SHANK1: variants seen among roughly 807,000 people sequenced by gnomAD.
SHANK1 encodes SH3 and multiple ankyrin repeat domains protein 1.
SHANK1 carries 35 observed loss-of-function variants against 165.6 expected under a neutral mutation model. The observed-to-expected ratio is 0.21, with a 90% CI of 0.16 to 0.28. The LOEUF (loss-of-function observed/expected upper bound fraction) is 0.28. Among genes scored for constraint, SHANK1 ranks in the 10% least tolerant of loss-of-function variants. The pLI is 1.00. For synonymous variants in SHANK1, 1,428 were observed against 1,384.8 expected, an observed-to-expected ratio of 1.03 and a Z score of -0.69; for missense variants, 2,681 against 3,036.4, an observed-to-expected ratio of 0.88 and a Z score of 2.75.
chr19:50,701,039 C>G (rs1277526011), intron 12 of SHANK1, among the ~76,000 whole-genome samples: 1 of 152,116 alleles, frequency 6.6e-6, no homozygotes, highest in Non-Finnish European at 1.5e-5. Context: ...GAAACACATG[C>G]AGTTACACAG....
chr19:50,714,365 C>T (rs933402833), intron 4 of SHANK1, 75 bp from the exon 5 acceptor site: 18 of 1,283,140 alleles, frequency 1.4e-5, no homozygotes, highest in African/African-American at 2.9e-5. Flanking sequence ...CAAGCAGCGA[C>T]GTCCAGTGAA....
At chr19:50,707,553 C>G (rs182925027) in intron 8 of SHANK1, among the ~76,000 whole-genome samples, 59 of 126,284 alleles carry the variant, frequency 4.7e-4, no homozygotes, top group Non-Finnish European at 6.4e-4. Flanking sequence ...AACAACCTGG[C>G]CTTCTTCTTC....
At chr19:50,689,356 C>CA in intron 15 of SHANK1, 77 bp from the exon 16 acceptor site, 1 of 1,086,008 alleles carries the variant, frequency 9.2e-7, no homozygotes, top group South Asian at 1.2e-5. Context: ...GGCTGTCCCC[C>CA]ACCCGGCAAC....
At chr19:50,703,979 C>T (rs532789972) in intron 10 of SHANK1, 141 bp downstream of exon 10, 1 of 885,538 alleles carries the variant, frequency 1.1e-6, no homozygotes, top group South Asian at 1.6e-5. Flanking sequence ...GCTCCCCCAC[C>T]ACCATCCAGA....
Position 50,690,747 on chromosome 19 carries a change from C to T in SHANK1, c.1965-1468G>A, listed in dbSNP as rs1986512748. The stretch of plus-strand genomic sequence containing the variant: ...CAACCCCCACACATCCCAGTATGTT[C>T]CAATAATAACTCCCCCTCACTCGGA... On this transcript the variant is annotated intron_variant, in intron 15 of 23. Transcript: ENST00000293441. This position sits in a 1 kb window ranked among gnomAD's most constrained non-coding sequence, Gnocchi z 4.9. Among the ~76,000 whole-genome samples the T allele has an allele frequency of 6.6e-6, 1 of 152,096 alleles. No homozygotes were observed. Among genetic ancestry groups the T allele is most frequent in the Non-Finnish European group, 1.5e-5 (1 of 68,024 alleles).
intron 21 of SHANK1, among the ~76,000 whole-genome samples, chr19:50,679,228 G>C (rs965512796): frequency 4.6e-5 from 7 of 150,748 alleles, no homozygotes; most frequent in African/African-American, 1.7e-4. Context: ...AAGGGGTCAG[G>C]GTGACGGGAG....
At chr19:50,679,873 A>C (rs1421364095) in intron 21 of SHANK1, among the ~76,000 whole-genome samples, 1 of 151,372 alleles carries the variant, frequency 6.6e-6, no homozygotes. Flanking sequence ...CAGACAGACA[A>C]AGGCAAAGAT....
At chr19:50,685,904 G>A (rs1177292774) in intron 21 of SHANK1, among the ~76,000 whole-genome samples, 1 of 152,054 alleles carries the variant, frequency 6.6e-6, no homozygotes, top group East Asian at 1.9e-4. Context: ...TTATGCCGGG[G>A]AATCTCCATC....
In SHANK1 at chr19:50,702,796, A is replaced by G. The variant is rs3745532; in HGVS notation, c.1554-136T>C. 0.78 allele frequency: 488,382 copies of G among 624,430 alleles called. 191,610 individuals are homozygous for G. The highest frequency in any genetic ancestry group is 0.83 in the Admixed American group (27,739 of 33,348). 38.7% of individuals were successfully genotyped at this position (624,430 alleles called of 1,614,324 possible). Reference sequence around the variant, plus strand: ...GGTTTCCCAGCACTGGCGTCCTCCAAGGAAGAGGGCATTTGGGGGCTCCCT... The same window carrying G: ...GGTTTCCCAGCACTGGCGTCCTCCAGGGAAGAGGGCATTTGGGGGCTCCCT... On this transcript the variant is annotated intron_variant, in intron 11 of 23. Coordinates refer to ENST00000293441, the MANE Select transcript of SHANK1 (RefSeq NM_016148.5). This position sits in a 1 kb window ranked among gnomAD's most constrained non-coding sequence, Gnocchi z 5.3.
intron 12 of SHANK1, among the ~76,000 whole-genome samples, chr19:50,698,811 C>T (rs1333942124): frequency 3.9e-5 from 6 of 152,194 alleles, no homozygotes; most frequent in South Asian, 4.1e-4. Context: ...CACTCATGTG[C>T]GCTACCTCTC....
intron 8 of SHANK1, among the ~76,000 whole-genome samples, chr19:50,707,913 TTTC>T (rs746662622): frequency 3.2e-5 from 2 of 62,954 alleles, no homozygotes; most frequent in South Asian, 9.6e-4. Context: ...TTTCTTTTCT[TTTC>T]TTTTCTTTTC....
In SHANK1 at chr19:50,702,764, G is replaced by A; in HGVS notation, c.1554-104C>T. On this transcript the variant is annotated intron_variant, in intron 11 of 23. Coordinates refer to ENST00000293441, the MANE Select transcript of SHANK1 (RefSeq NM_016148.5). This position sits in a 1 kb window ranked among gnomAD's most constrained non-coding sequence, Gnocchi z 5.3. ...GGGAAGAGGACGGTGCATCAGGGGG[G>A]AGGGGGGGTTTCCCAGCACTGGCGT... The A allele has an allele frequency of 1.4e-6, 1 of 719,478 alleles. No individual in the cohort carries two copies. Among genetic ancestry groups the A allele is most frequent in the Non-Finnish European group, 2.2e-6 (1 of 448,230 alleles). 44.6% of individuals were successfully genotyped at this position (719,478 alleles called of 1,614,324 possible). A position where few individuals can be genotyped will look rare whatever the true frequency, so the allele number is the denominator to read the frequency against.
At chr19:50,715,787 G>A in intron 3 of SHANK1, 57 bp from the exon 4 acceptor site, 1 of 1,528,748 alleles carries the variant, frequency 6.5e-7, no homozygotes, top group Non-Finnish European at 9.1e-7. Flanking sequence ...CAGGGGCCTG[G>A]GGAGAAGGCT....
At chr19:50,719,007 TG>T (rs930304938) in intron 1 of SHANK1, among the ~76,000 whole-genome samples, 1 of 129,134 alleles carries the variant, frequency 7.7e-6, no homozygotes, top group Admixed American at 7.9e-5. Flanking sequence ...AGACCCTCGC[TG>T]GAGGGGAGTG....
At chr19:50,687,116 G>A in intron 19 of SHANK1, 1 of 1,050,768 alleles carries the variant, frequency 9.5e-7, no homozygotes, top group Non-Finnish European at 1.3e-6. Flanking sequence ...CTGTCTGGAA[G>A]CCCGCCTCCC....
chr19:50,671,396 G>A (rs973299837), intron 22 of SHANK1, among the ~76,000 whole-genome samples: 9 of 150,050 alleles, frequency 6.0e-5, no homozygotes, highest in African/African-American at 2.2e-4. Context: ...TGTTAACCAG[G>A]ATGGTCTCGA....
chr19:50,663,940 CTTTTTTTT>C (rs3087079), intron 23 of SHANK1, among the ~76,000 whole-genome samples: 2 of 108,936 alleles, frequency 1.8e-5, no homozygotes, highest in South Asian at 3.2e-4. Flanking sequence ...CTCTCTCTCT[CTTTTTTTT>C]TTTTTTTTTA....
At chr19:50,689,034 G>A in intron 16 of SHANK1, 66 bp from the exon 17 acceptor site, 3 of 1,273,448 alleles carry the variant, frequency 2.4e-6, no homozygotes, top group Non-Finnish European at 3.3e-6. Context: ...AGGGGATGGG[G>A]CTCAGACCCA....
chr19:50,668,210 C>T lies in SHANK1; in HGVS notation c.3750G>A (p.Ala1250=), dbSNP rs1452076713. The change falls in exon 23 of 24, where the codon GCG becomes GCA. Residue 1250 remains alanine, a synonymous_variant. Coordinates refer to ENST00000293441, the MANE Select transcript of SHANK1 (RefSeq NM_016148.5). ...ARREGGWQNE[A]RRRSTLFLST... is the part of the protein sequence containing the mutation. Reference sequence around the variant, plus strand: ...ACAGGAACAGCGTGGAGCGCCGGCGCGCCTCATTCTGCCAGCCCCCCTCCC... The same window carrying T: ...ACAGGAACAGCGTGGAGCGCCGGCGTGCCTCATTCTGCCAGCCCCCCTCCC... The T allele has an allele frequency of 6.7e-7, 1 of 1,496,752 alleles. No homozygotes were observed. Among genetic ancestry groups the T allele is most frequent in the Non-Finnish European group, 8.8e-7 (1 of 1,136,156 alleles). 92.7% of individuals were successfully genotyped at this position (1,496,752 alleles called of 1,614,324 possible).
Sources: gnomAD v4.1 joint callset for allele counts (sites outside exome capture counted in the v4.1 genomes callset) on GRCh38, gnomAD v4.1.1 for gene constraint, Gnocchi (gnomAD v3.1) non-coding constraint, MANE v1.5 for transcripts, NCBI Gene and HGNC (gene_info 2026-07-23, HGNC 2026-07-21) for gene names.